The following NEMP2 variants were observed in gnomAD, a reference collection of about 807,000 sequenced individuals.
NEMP2 encodes the protein nuclear envelope integral membrane protein 2.
In NEMP2, 53 loss-of-function variants were observed where a neutral mutation model predicts 54.2. The observed-to-expected ratio is 0.98, with a 90% CI of 0.78 to 1.23. The LOEUF (loss-of-function observed/expected upper bound fraction) is 1.23, where lower values mean the gene tolerates loss of function less well. NEMP2 is among the 50% of genes most tolerant of loss of function. The pLI is 0.00. For synonymous variants in NEMP2, 197 were observed against 190.3 expected (o/e 1.04, Z -0.29); for missense variants, 455 against 511.3 (o/e 0.89, Z 1.06).
rs997600729 is a variant in NEMP2, at chr2:190,512,353, G to C, written c.954-1816C>G. Among the ~76,000 whole-genome samples, 2 of 152,118 alleles carry C rather than the reference G, an allele frequency of 1.3e-5. No homozygotes were observed. Among genetic ancestry groups the C allele is most frequent in the Non-Finnish European group, 2.9e-5 (2 of 68,034 alleles). On this transcript the variant is annotated intron_variant, in intron 7 of 8. Transcript: ENST00000409150. This position sits in a 1 kb window ranked among gnomAD's most constrained non-coding sequence, Gnocchi z 4.5. ...TAGCACTGTAAGTGGCCTATAGTAGGTGTTCAATAAGGATAATCAAAAGAG... is the reference window on the plus strand; with the variant it reads ...TAGCACTGTAAGTGGCCTATAGTAGCTGTTCAATAAGGATAATCAAAAGAG...
the NEMP2 span, among the ~76,000 whole-genome samples, chr2:190,426,417 T>C: frequency 6.6e-6 from 1 of 152,190 alleles, no homozygotes; most frequent in Non-Finnish European, 1.5e-5. The surrounding 1 kb of genome is among the most constrained non-coding windows in gnomAD (Gnocchi z 4.7). Flanking sequence ...TGAGACTTTC[T>C]GTTTTTTTTG....
At chr2:190,511,850 G>A (rs1003182018) in intron 7 of NEMP2, among the ~76,000 whole-genome samples, 4 of 151,100 alleles carry the variant, frequency 2.6e-5, no homozygotes, top group African/African-American at 7.3e-5. Flanking sequence ...CACTGCGCCC[G>A]GCCTAAAACA....
the NEMP2 span, among the ~76,000 whole-genome samples, chr2:190,439,265 A>T: frequency 6.6e-6 from 1 of 152,028 alleles, no homozygotes; most frequent in Non-Finnish European, 1.5e-5. This position sits in a 1 kb window ranked among gnomAD's most constrained non-coding sequence, Gnocchi z 5.8. Flanking sequence ...CAATGCGTGG[A>T]GTTCTTAGAC....
chr2:190,431,886 C>A, the NEMP2 span, among the ~76,000 whole-genome samples: 3 of 152,154 alleles, frequency 2.0e-5, no homozygotes, highest in African/African-American at 7.2e-5. The surrounding 1 kb of genome is among the most constrained non-coding windows in gnomAD (Gnocchi z 4.4). Flanking sequence ...ATCTGTCCAT[C>A]CTTTTTCTTT....
At chr2:190,452,651 T>G in the NEMP2 span, among the ~76,000 whole-genome samples, 3 of 152,242 alleles carry the variant, frequency 2.0e-5, no homozygotes, top group African/African-American at 7.2e-5. Context: ...CCTCTTAGTC[T>G]TCCTCATTTC....
the NEMP2 span, among the ~76,000 whole-genome samples, chr2:190,485,685 A>C: frequency 1.3e-5 from 2 of 152,178 alleles, no homozygotes. This position sits in a 1 kb window ranked among gnomAD's most constrained non-coding sequence, Gnocchi z 5.1. Flanking sequence ...AATTCTGAGA[A>C]AGCTGGCATT....
rs529135274 is a variant in NEMP2 at position 190,525,831 on chromosome 2, T to C, written c.98-453A>G. Among the ~76,000 whole-genome samples the C allele has an allele frequency of 2.6e-5, 4 of 152,098 alleles. No individual in the cohort carries two copies. The highest frequency in any genetic ancestry group is 5.9e-5 in the Non-Finnish European group (4 of 68,018). On this transcript the variant is annotated intron_variant, in intron 1 of 8. Coordinates refer to ENST00000409150, the MANE Select transcript of NEMP2 (RefSeq NM_001142645.2). This position sits in a 1 kb window ranked among gnomAD's most constrained non-coding sequence, Gnocchi z 5.0. ...AGTTTAGAGATATTGGATTCTTATATTGGTAAGGGAGCATGGATGGAAGGT... is the reference window on the plus strand; with the variant it reads ...AGTTTAGAGATATTGGATTCTTATACTGGTAAGGGAGCATGGATGGAAGGT...
At chr2:190,600,113 A>C in the NEMP2 span, among the ~76,000 whole-genome samples, 3 of 152,196 alleles carry the variant, frequency 2.0e-5, no homozygotes, top group Non-Finnish European at 4.4e-5. The surrounding 1 kb of genome is among the most constrained non-coding windows in gnomAD (Gnocchi z 4.9). Context: ...TTCTTATCTT[A>C]GTTCTGTATG....
the NEMP2 span, among the ~76,000 whole-genome samples, chr2:190,639,880 C>A: frequency 1.3e-5 from 2 of 152,078 alleles, no homozygotes; most frequent in Non-Finnish European, 2.9e-5. Context: ...GATCTCCTGA[C>A]CTCATGATCT....
the NEMP2 span, among the ~76,000 whole-genome samples, chr2:190,621,654 C>T: frequency 0.051 from 7,761 of 151,600 alleles, 700 homozygotes; most frequent in African/African-American, 0.18. Flanking sequence ...TACTACAAAG[C>T]TACAATAATC....
Position 190,514,378 on chromosome 2 carries a change from G to T in NEMP2, c.953+75C>A. ...TGTAATTATGAGATTAACATGATGTGTGCAAACACTCTCCCAAATAATAAA... is the reference window on the plus strand; with the variant it reads ...TGTAATTATGAGATTAACATGATGTTTGCAAACACTCTCCCAAATAATAAA... On this transcript the variant is annotated intron_variant, in intron 7 of 8. Transcript: ENST00000409150. The surrounding 1 kb of genome is among the most constrained non-coding windows in gnomAD (Gnocchi z 5.7). 1 of 1,294,014 alleles carries T rather than the reference G, an allele frequency of 7.7e-7. No individual in the cohort carries two copies. The allele number at this position is 1,294,014 out of a possible 1,614,324, so 80.2% of individuals were successfully genotyped here.
the NEMP2 span, among the ~76,000 whole-genome samples, chr2:190,544,710 G>A: frequency 6.6e-6 from 1 of 152,008 alleles, no homozygotes; most frequent in East Asian, 1.9e-4. Flanking sequence ...TCTGAAAAAA[G>A]CAAAGTTGAA....
Position 190,533,310 on chromosome 2 carries a change from G to A in NEMP2, c.97+1249C>T, listed in dbSNP as rs75079550. 0.011 allele frequency among the ~76,000 whole-genome samples: 1,721 copies of A among 152,182 alleles called. 37 individuals are homozygous for A. The highest frequency in any genetic ancestry group is 0.038 in the African/African-American group (1,580 of 41,494). ...GAAACCTTCCTGCTTAGACAGATTT[G>A]TGTTTTATTTTTTCACCAGCATAAA... On this transcript the variant is annotated intron_variant, in intron 1 of 8. Transcript: ENST00000409150. The surrounding 1 kb of genome is among the most constrained non-coding windows in gnomAD (Gnocchi z 4.3).
chr2:190,509,350 C>A lies in NEMP2; in HGVS notation c.1131-38G>T. Reference sequence around the variant, plus strand: ...TTGTTTTAAATAAAGTTAATGTTATCTCAGGAAGGTTTATTTGAAAGATAA... The same window carrying A: ...TTGTTTTAAATAAAGTTAATGTTATATCAGGAAGGTTTATTTGAAAGATAA... On this transcript the variant is annotated intron_variant, in intron 8 of 8. Coordinates refer to ENST00000409150, the MANE Select transcript of NEMP2 (RefSeq NM_001142645.2). The surrounding 1 kb of genome is among the most constrained non-coding windows in gnomAD (Gnocchi z 6.1). 1 of 1,544,512 alleles carries A rather than the reference C, an allele frequency of 6.5e-7. No homozygotes were observed.
chr2:190,451,211 G>A, the NEMP2 span, among the ~76,000 whole-genome samples: 1 of 152,286 alleles, frequency 6.6e-6, no homozygotes, highest in Non-Finnish European at 1.5e-5. This position sits in a 1 kb window ranked among gnomAD's most constrained non-coding sequence, Gnocchi z 5.0. Context: ...ACTTAGTCCT[G>A]TCTAACATTG....
chr2:190,455,818 C>A, the NEMP2 span, among the ~76,000 whole-genome samples: 9 of 149,426 alleles, frequency 6.0e-5, no homozygotes, highest in African/African-American at 2.2e-4. Flanking sequence ...TTGGAAAAAA[C>A]TATATCAGTT....
chr2:190,431,077 C>G, the NEMP2 span, among the ~76,000 whole-genome samples: 7 of 130,028 alleles, frequency 5.4e-5, no homozygotes, highest in South Asian at 1.5e-3. This position sits in a 1 kb window ranked among gnomAD's most constrained non-coding sequence, Gnocchi z 4.4. Context: ...GGGTCGCAGC[C>G]GGGCAGAGGC....
chr2:190,643,517 G>A, the NEMP2 span, among the ~76,000 whole-genome samples: 29 of 152,284 alleles, frequency 1.9e-4, no homozygotes, highest in South Asian at 2.3e-3. Flanking sequence ...GGTAATTTTA[G>A]TACCCCATAT....
chr2:190,560,496 T>C, the NEMP2 span, among the ~76,000 whole-genome samples: 9 of 152,366 alleles, frequency 5.9e-5, no homozygotes, highest in Admixed American at 3.9e-4. The surrounding 1 kb of genome is among the most constrained non-coding windows in gnomAD (Gnocchi z 5.4). Flanking sequence ...TCTAACAGCA[T>C]ACATAATGTA....
Sources: allele counts gnomAD v4.1 joint callset (sites outside exome capture counted in the v4.1 genomes callset), GRCh38; gene constraint gnomAD v4.1.1; non-coding constraint Gnocchi (gnomAD v3.1); transcripts MANE v1.5; gene names NCBI Gene and HGNC (gene_info 2026-07-23, HGNC 2026-07-21).